Variants in SND1 observed in about 807,000 individuals in gnomAD.
The protein encoded by SND1 is staphylococcal nuclease and tudor domain containing 1.
A neutral mutation model predicts 121.7 loss-of-function variants in SND1; 38 were observed. The observed-to-expected ratio is 0.31, with a 90% CI of 0.24 to 0.41. The LOEUF (loss-of-function observed/expected upper bound fraction) is 0.41. SND1 is among the 10% of genes least tolerant of loss of function. The probability of loss-of-function intolerance (pLI) is 1.00; values close to 1 mark genes in which losing one functional copy is unlikely to be tolerated. For synonymous variants in SND1, 401 were observed against 447.4 expected, an observed-to-expected ratio of 0.90 and a Z score of 1.31; for missense variants, 868 against 1,184.6, an observed-to-expected ratio of 0.73 and a Z score of 3.92.
chr7:127,944,525 C>T (rs1584685209), intron 15 of SND1, among the ~76,000 whole-genome samples: 1 of 152,180 alleles, frequency 6.6e-6, no homozygotes, highest in Admixed American at 6.5e-5. Context: ...CCTCTACTGT[C>T]ATTCCCTCCC....
intron 15 of SND1, among the ~76,000 whole-genome samples, chr7:127,971,724 A>G (rs1455524920): frequency 2.0e-5 from 3 of 151,940 alleles, no homozygotes; most frequent in Non-Finnish European, 4.4e-5. Flanking sequence ...AATGTGACTT[A>G]TATACAATAA....
chr7:127,666,393 G>A (rs551177336), intron 1 of SND1, among the ~76,000 whole-genome samples: 1 of 152,322 alleles, frequency 6.6e-6, no homozygotes, highest in Admixed American at 6.5e-5. Context: ...AATGTAGAGA[G>A]AAGAATAAGC....
intron 14 of SND1, among the ~76,000 whole-genome samples, chr7:127,915,027 T>G (rs1800544611): frequency 6.6e-6 from 1 of 151,824 alleles, no homozygotes; most frequent in Non-Finnish European, 1.5e-5. Context: ...TGTTCATTAT[T>G]TTTTTTTGAG....
At chr7:127,812,627 G>C (rs1798354181) in intron 11 of SND1, among the ~76,000 whole-genome samples, 1 of 152,166 alleles carries the variant, frequency 6.6e-6, no homozygotes, top group South Asian at 2.1e-4. Flanking sequence ...CACTGTAGGT[G>C]CTTGTTCCAC....
intron 15 of SND1, among the ~76,000 whole-genome samples, chr7:127,930,549 G>A (rs1305846731): frequency 1.3e-5 from 2 of 152,128 alleles, no homozygotes; most frequent in Non-Finnish European, 1.5e-5. Context: ...AGCTCTGCAG[G>A]CCTTCTGAAG....
At chr7:127,936,599 G>C (rs1356570866) in intron 15 of SND1, among the ~76,000 whole-genome samples, 1 of 152,020 alleles carries the variant, frequency 6.6e-6, no homozygotes, top group Non-Finnish European at 1.5e-5. Context: ...CCAGGCTACA[G>C]TGCAGTGGCC....
intron 10 of SND1, among the ~76,000 whole-genome samples, chr7:127,775,245 T>C (rs1016241066): frequency 6.6e-6 from 1 of 152,182 alleles, no homozygotes; most frequent in Non-Finnish European, 1.5e-5. Flanking sequence ...ATCTCTGACT[T>C]CTGGCTCTGA....
intron 3 of SND1, among the ~76,000 whole-genome samples, chr7:127,698,635 A>G (rs1796049120): frequency 6.6e-6 from 1 of 152,162 alleles, no homozygotes; most frequent in South Asian, 2.1e-4. Context: ...TGGAAGATAC[A>G]CTAGAAAATT....
intron 14 of SND1, among the ~76,000 whole-genome samples, chr7:127,921,747 G>A (rs576701753): frequency 7.2e-5 from 11 of 152,104 alleles, no homozygotes; most frequent in Non-Finnish European, 1.3e-4. Context: ...TCAACTTCTA[G>A]TCCCTGGCAA....
At chr7:127,882,644 G>A (rs769697186) in intron 12 of SND1, among the ~76,000 whole-genome samples, 57 of 146,662 alleles carry the variant, frequency 3.9e-4, no homozygotes, top group Non-Finnish European at 7.9e-4. Flanking sequence ...AGAGAAAGTG[G>A]AATTAGCCTA....
At chr7:127,811,846 G>A (rs1356925372) in intron 11 of SND1, among the ~76,000 whole-genome samples, 1 of 152,070 alleles carries the variant, frequency 6.6e-6, no homozygotes, top group Non-Finnish European at 1.5e-5. Flanking sequence ...GTAATTTGGT[G>A]GCTACCATTT....
At chr7:127,663,028 C>G (rs1795346041) in intron 1 of SND1, among the ~76,000 whole-genome samples, 1 of 151,666 alleles carries the variant, frequency 6.6e-6, no homozygotes, top group Admixed American at 6.6e-5. Flanking sequence ...GTAGCTGGGA[C>G]TACAGGTACA....
At chr7:127,893,785 G>T (rs990431641) in intron 13 of SND1, among the ~76,000 whole-genome samples, 1 of 152,092 alleles carries the variant, frequency 6.6e-6, no homozygotes, top group Non-Finnish European at 1.5e-5. Flanking sequence ...TGAGAGGCAA[G>T]TGTGAACCTG....
intron 1 of SND1, among the ~76,000 whole-genome samples, chr7:127,652,660 G>T (rs1486036330): frequency 6.6e-6 from 1 of 152,198 alleles, no homozygotes. Flanking sequence ...CTTGACATCA[G>T]GGGTCACAGT....
At chr7:127,795,088 T>A (rs1421759761) in intron 10 of SND1, among the ~76,000 whole-genome samples, 1 of 152,218 alleles carries the variant, frequency 6.6e-6, no homozygotes, top group Non-Finnish European at 1.5e-5. Context: ...TGAAGGAAAT[T>A]TCCCCTTTTT....
At chr7:128,087,090 C>T (rs375738508) in intron 21 of SND1, 39 bp downstream of exon 21, 11 of 1,504,016 alleles carry the variant, frequency 7.3e-6, no homozygotes, top group Non-Finnish European at 1.0e-5. Context: ...GGGGACTATC[C>T]ACTGACACTT....
chr7:128,090,101 G>A (rs575643310), intron 22 of SND1, among the ~76,000 whole-genome samples: 36 of 152,248 alleles, frequency 2.4e-4, no homozygotes, highest in Middle Eastern at 6.8e-3. Context: ...CTGTCGAGGA[G>A]GCAGCACCAA....
intron 12 of SND1, among the ~76,000 whole-genome samples, chr7:127,849,211 C>T (rs1799122174): frequency 6.6e-6 from 1 of 152,098 alleles, no homozygotes; most frequent in Non-Finnish European, 1.5e-5. Context: ...ACTTAAATAA[C>T]TCTTCTTATG....
At chr7:128,048,500 A>G (rs769860636) in intron 16 of SND1, among the ~76,000 whole-genome samples, 9 of 152,176 alleles carry the variant, frequency 5.9e-5, no homozygotes, top group Non-Finnish European at 1.0e-4. Context: ...TGAAACGACA[A>G]ATGTTACTGT....
Sources: gnomAD v4.1 joint callset for allele counts (sites outside exome capture counted in the v4.1 genomes callset) on GRCh38, gnomAD v4.1.1 for gene constraint, MANE v1.5 for transcripts, NCBI Gene and HGNC (gene_info 2026-07-23, HGNC 2026-07-21) for gene names.